The following CACNA2D3 variants were observed in gnomAD, a reference collection of about 807,000 sequenced individuals.
The protein encoded by CACNA2D3 is calcium voltage-gated channel auxiliary subunit alpha2delta 3.
A neutral mutation model predicts 160.6 loss-of-function variants in CACNA2D3; 60 were observed. That is an observed-to-expected ratio of 0.37 (90% CI 0.30 to 0.46). CACNA2D3 has a LOEUF of 0.46. Ranked by LOEUF, CACNA2D3 falls within the 20% of genes least tolerant of loss-of-function variation. CACNA2D3 has a pLI of 1.00. For missense variants in CACNA2D3, 1,205 were observed against 1,365.0 expected (o/e 0.88, Z 1.85); for synonymous variants, 558 against 492.9 (o/e 1.13, Z -1.75).
intron 11 of CACNA2D3, among the ~76,000 whole-genome samples, chr3:54,723,564 C>T (rs1354869226): frequency 2.0e-5 from 3 of 152,228 alleles, no homozygotes; most frequent in Admixed American, 2.0e-4. Flanking sequence ...TTGTGAAAAT[C>T]ATAGGACAAG....
At chr3:54,421,886 G>A (rs1360148390) in intron 4 of CACNA2D3, among the ~76,000 whole-genome samples, 1 of 152,106 alleles carries the variant, frequency 6.6e-6, no homozygotes, top group Non-Finnish European at 1.5e-5. Flanking sequence ...AAGAGCCCTT[G>A]TCCTTCCCTG....
chr3:54,269,574 A>G (rs1207954462), intron 2 of CACNA2D3, among the ~76,000 whole-genome samples: 1 of 152,146 alleles, frequency 6.6e-6, no homozygotes, highest in East Asian at 1.9e-4. Flanking sequence ...TGTGATGGCA[A>G]GAGTACCAAC....
intron 13 of CACNA2D3, among the ~76,000 whole-genome samples, chr3:54,815,263 AAGTGTTGGAAATTG>A (rs1703421734): frequency 6.6e-6 from 1 of 152,182 alleles, no homozygotes; most frequent in African/African-American, 2.4e-5. Context: ...TATAAGATAA[AAGTGTTGGAAATTG>A]AGTGTTGGAG....
intron 3 of CACNA2D3, among the ~76,000 whole-genome samples, chr3:54,363,199 A>ATT (rs1698773412): frequency 6.6e-6 from 1 of 152,024 alleles, no homozygotes; most frequent in Non-Finnish European, 1.5e-5. Flanking sequence ...ATCTCCAAAT[A>ATT]TATATATATG....
chr3:54,123,795 C>G (rs1412798633), intron 2 of CACNA2D3, among the ~76,000 whole-genome samples: 1 of 152,152 alleles, frequency 6.6e-6, no homozygotes, highest in Non-Finnish European at 1.5e-5. Context: ...ATTCTAACCA[C>G]AAAGAAAAGC....
intron 2 of CACNA2D3, among the ~76,000 whole-genome samples, chr3:54,295,593 C>A (rs1165449132): frequency 6.6e-6 from 1 of 152,172 alleles, no homozygotes; most frequent in Non-Finnish European, 1.5e-5. Context: ...CAAACGGTTG[C>A]ATTCTTTTGA....
intron 27 of CACNA2D3, chr3:54,918,388 G>T (rs1700725023): frequency 3.4e-6 from 3 of 892,466 alleles, no homozygotes; most frequent in Non-Finnish European, 4.7e-6. Context: ...AGACTAACAG[G>T]AAACACATCA....
intron 10 of CACNA2D3, among the ~76,000 whole-genome samples, chr3:54,635,513 A>G (rs531642532): frequency 7.4e-4 from 113 of 152,150 alleles, no homozygotes; most frequent in Non-Finnish European, 1.5e-3. Context: ...TTTTGGGGGC[A>G]CAGTCTAAGT....
intron 4 of CACNA2D3, among the ~76,000 whole-genome samples, chr3:54,440,658 C>A (rs759755851): frequency 6.6e-6 from 1 of 152,028 alleles, no homozygotes; most frequent in Admixed American, 6.6e-5. Context: ...CACAACAGGC[C>A]CTGGTGTGCG....
intron 3 of CACNA2D3, among the ~76,000 whole-genome samples, chr3:54,330,272 C>T (rs1575398935): frequency 1.3e-5 from 2 of 149,232 alleles, no homozygotes; most frequent in African/African-American, 5.0e-5. Context: ...AAAATCAGAT[C>T]CTTGGGAATA....
chr3:54,759,846 G>A (rs1248714441), intron 12 of CACNA2D3, among the ~76,000 whole-genome samples: 1 of 152,206 alleles, frequency 6.6e-6, no homozygotes, highest in Non-Finnish European at 1.5e-5. Flanking sequence ...GTCTTCAGTG[G>A]TTCAGAGCAA....
At chr3:54,494,552 T>A (rs1354576830) in intron 4 of CACNA2D3, among the ~76,000 whole-genome samples, 2 of 152,232 alleles carry the variant, frequency 1.3e-5, no homozygotes, top group Non-Finnish European at 2.9e-5. Flanking sequence ...TTTTGCTATT[T>A]TAACTTCCAG....
chr3:55,033,184 T>C (rs1703716429), intron 35 of CACNA2D3, among the ~76,000 whole-genome samples: 1 of 152,158 alleles, frequency 6.6e-6, no homozygotes, highest in Non-Finnish European at 1.5e-5. Context: ...CAAAGCCCAG[T>C]AGTTAGTCCT....
chr3:54,198,243 A>T (rs6807607), intron 2 of CACNA2D3, among the ~76,000 whole-genome samples: 55,825 of 152,162 alleles, frequency 0.37, 13,146 homozygotes, highest in African/African-American at 0.65. Flanking sequence ...GGCTCTGCCT[A>T]TCTGAGGACA....
At chr3:54,560,379 G>A (rs1702305742) in intron 5 of CACNA2D3, among the ~76,000 whole-genome samples, 1 of 152,190 alleles carries the variant, frequency 6.6e-6, no homozygotes, top group South Asian at 2.1e-4. Context: ...CTGCATGTAT[G>A]CCTTCTTTTG....
chr3:54,983,855 C>T (rs766289866), intron 29 of CACNA2D3, among the ~76,000 whole-genome samples: 1 of 152,196 alleles, frequency 6.6e-6, no homozygotes, highest in African/African-American at 2.4e-5. Context: ...CGGAATTAAA[C>T]CTTAAGTTTA....
rs142442755 is a variant in CACNA2D3 at position 54,248,795 on chromosome 3, T to C, written c.205-71647T>C. On this transcript the variant is annotated intron_variant, in intron 2 of 37. Transcript: ENST00000474759. ...TAACTGATTAATACAAATTTTAAGG[T>C]TTGGGTTACTCCAGCAGATAAAGAA... 3.3e-3 allele frequency among the ~76,000 whole-genome samples: 504 copies of C among 152,240 alleles called. 6 individuals are homozygous for C. The highest frequency in any genetic ancestry group is 0.013 in the East Asian group (69 of 5,174).
intron 3 of CACNA2D3, among the ~76,000 whole-genome samples, chr3:54,368,967 C>G (rs1481096459): frequency 6.6e-6 from 1 of 151,910 alleles, no homozygotes; most frequent in Non-Finnish European, 1.5e-5. Flanking sequence ...TCCCAAAGTG[C>G]TGGGATTACA....
chr3:54,984,305 G>GA lies in CACNA2D3; in HGVS notation c.2557-292dup, dbSNP rs879908253. ...GGAAATATTATTCAGGTCATATAAAGAAAAAAAAAAAGGAAGACAAACTGT... is the reference window on the plus strand; with the variant it reads ...GGAAATATTATTCAGGTCATATAAAGAAAAAAAAAAAAGGAAGACAAACTGT... On this transcript the variant is annotated intron_variant, in intron 29 of 37. Transcript: ENST00000474759. Among the ~76,000 whole-genome samples, 333 of 139,730 alleles carry GA rather than the reference G, an allele frequency of 2.4e-3. 6 individuals are homozygous for GA. The East Asian group carries it at 0.051, about 21-fold the overall frequency. 91.7% of individuals were successfully genotyped at this position (139,730 alleles called of 152,430 possible).
Sources: allele counts gnomAD v4.1 joint callset (sites outside exome capture counted in the v4.1 genomes callset), GRCh38; gene constraint gnomAD v4.1.1; transcripts MANE v1.5; gene names NCBI Gene and HGNC (gene_info 2026-07-23, HGNC 2026-07-21).